Variants in ADAMTS19 observed in about 807,000 individuals in gnomAD.
ADAMTS19 encodes the protein A disintegrin and metalloproteinase with thrombospondin motifs 19.
Under a neutral mutation model 153.3 loss-of-function variants are expected in ADAMTS19, and 93 were observed. That is an observed-to-expected ratio of 0.61 (90% CI 0.51 to 0.72). ADAMTS19 has a LOEUF of 0.72. Among genes scored for constraint, ADAMTS19 ranks in the 30% least tolerant of loss-of-function variants. The pLI is 0.00. For missense variants in ADAMTS19, 1,482 were observed against 1,552.1 expected, an observed-to-expected ratio of 0.95 and a Z score of 0.76; for synonymous variants, 600 against 556.6, an observed-to-expected ratio of 1.08 and a Z score of -1.10.
chr5:129,675,441 A>T (rs1469429426), intron 16 of ADAMTS19, among the ~76,000 whole-genome samples: 1 of 151,832 alleles, frequency 6.6e-6, no homozygotes, highest in East Asian at 1.9e-4. Context: ...TTTTTAGCCT[A>T]TTTTCTTTTT....
chr5:129,632,813 A>G (rs1443443924), intron 10 of ADAMTS19, among the ~76,000 whole-genome samples: 3 of 152,028 alleles, frequency 2.0e-5, no homozygotes, highest in South Asian at 4.1e-4. Context: ...TTTATGTGCA[A>G]GATAGTCTCT....
chr5:129,674,425 C>T (rs974194800), intron 16 of ADAMTS19, among the ~76,000 whole-genome samples: 6 of 152,008 alleles, frequency 3.9e-5, no homozygotes, highest in African/African-American at 1.5e-4. Flanking sequence ...TAATTTTGGC[C>T]ATACTGAATT....
chr5:129,548,968 T>C (rs1581071183), intron 6 of ADAMTS19, among the ~76,000 whole-genome samples: 1 of 133,804 alleles, frequency 7.5e-6, no homozygotes, highest in Non-Finnish European at 1.5e-5. Context: ...TAGATGGGAA[T>C]TGAACAATGA....
chr5:129,562,326 C>T (rs1753553369), intron 7 of ADAMTS19, among the ~76,000 whole-genome samples: 1 of 152,152 alleles, frequency 6.6e-6, no homozygotes, highest in Non-Finnish European at 1.5e-5. Context: ...GTTACTGCTA[C>T]ATCTGGAAAT....
Position 129,461,014 on chromosome 5 carries a change from T to G in ADAMTS19, c.92-88T>G. The G allele has an allele frequency of 7.9e-7, 1 of 1,264,042 alleles. No homozygotes were observed. The highest frequency in any genetic ancestry group is 9.9e-7 in the Non-Finnish European group (1 of 1,006,284). The allele number at this position is 1,264,042 out of a possible 1,614,324, so 78.3% of individuals were successfully genotyped here. On this transcript the variant is annotated intron_variant, in intron 1 of 22. Coordinates refer to ENST00000274487, the MANE Select transcript of ADAMTS19 (RefSeq NM_133638.6). The surrounding 1 kb of genome is among the most constrained non-coding windows in gnomAD (Gnocchi z 4.6). ...TCCATTGCATTCAACGCGAGCGCCC[T>G]GTATCTATGGACTGTGAGCTTGGAA...
intron 7 of ADAMTS19, among the ~76,000 whole-genome samples, chr5:129,560,100 C>T (rs1472608868): frequency 6.6e-6 from 1 of 151,962 alleles, no homozygotes; most frequent in African/African-American, 2.4e-5. Context: ...GTATAAAATC[C>T]CAGGATTCTG....
intron 7 of ADAMTS19, among the ~76,000 whole-genome samples, chr5:129,568,595 G>A (rs923273728): frequency 3.3e-5 from 5 of 152,086 alleles, no homozygotes; most frequent in Non-Finnish European, 7.4e-5. Context: ...TGAGGCTGGT[G>A]GATCACTTGA....
chr5:129,718,750 G>A (rs558010931), intron 21 of ADAMTS19, among the ~76,000 whole-genome samples: 9 of 152,194 alleles, frequency 5.9e-5, no homozygotes, highest in African/African-American at 2.2e-4. Context: ...AATTACCCAA[G>A]TCTATGCTGT....
intron 7 of ADAMTS19, among the ~76,000 whole-genome samples, chr5:129,558,865 A>G (rs1193391294): frequency 6.6e-6 from 1 of 152,094 alleles, no homozygotes; most frequent in Non-Finnish European, 1.5e-5. Context: ...CACATGAAAA[A>G]AATTTGAGAT....
chr5:129,526,372 G>A lies in ADAMTS19; in HGVS notation c.1002G>A (p.Glu334=). The A allele has an allele frequency of 6.2e-7, 1 of 1,605,062 alleles. No homozygotes were observed. The highest frequency in any genetic ancestry group is 8.5e-7 in the Non-Finnish European group (1 of 1,176,190). ...SYKLPQEYNI[E]TVVVADPAMV... is the part of the protein sequence containing the mutation. ...AATTACCTCAAGAATACAACATAGA[G>A]ACTGTAGTGGTTGCAGACCCAGCAA... The change falls in exon 4 of 23, where the codon GAG becomes GAA. Residue 334 remains glutamate, a synonymous_variant. Coordinates refer to ENST00000274487, the MANE Select transcript of ADAMTS19 (RefSeq NM_133638.6).
At chr5:129,680,234 G>A (rs1754738987) in intron 17 of ADAMTS19, among the ~76,000 whole-genome samples, 1 of 152,084 alleles carries the variant, frequency 6.6e-6, no homozygotes, top group African/African-American at 2.4e-5. Flanking sequence ...TGTCTATGAA[G>A]AGAGTACTAT....
At chr5:129,536,942 G>C (rs1173422497) in intron 6 of ADAMTS19, among the ~76,000 whole-genome samples, 1 of 151,758 alleles carries the variant, frequency 6.6e-6, no homozygotes, top group East Asian at 1.9e-4. Context: ...ATAGCATTAG[G>C]AGATATACCT....
intron 13 of ADAMTS19, among the ~76,000 whole-genome samples, chr5:129,653,967 CA>C (rs972333892): frequency 1.3e-5 from 2 of 151,442 alleles, no homozygotes; most frequent in Non-Finnish European, 1.5e-5. Flanking sequence ...GATATCATTT[CA>C]AAAAAAATAT....
chr5:129,681,997 C>T (rs1754838417), intron 17 of ADAMTS19, among the ~76,000 whole-genome samples: 1 of 151,982 alleles, frequency 6.6e-6, no homozygotes, highest in African/African-American at 2.4e-5. Flanking sequence ...ATAAATGTAA[C>T]CTCCCCTGTT....
In ADAMTS19 at chr5:129,611,972, TTTTA is replaced by T. The variant is rs571528682; in HGVS notation, c.1479-8642_1479-8639del. ...TTAATTTTTGATCTTTTTTAATCTA[TTTTA>T]TTTTATTATTATTATATTTTAAGTT... On this transcript the variant is annotated intron_variant, in intron 8 of 22. Coordinates refer to ENST00000274487, the MANE Select transcript of ADAMTS19 (RefSeq NM_133638.6). 1.0e-3 allele frequency among the ~76,000 whole-genome samples: 158 copies of T among 152,046 alleles called. 3 individuals are homozygous for T. Among genetic ancestry groups the T allele is most frequent in the Admixed American group, 9.6e-3 (146 of 15,232 alleles).
chr5:129,686,307 A>C (rs1308225834), intron 18 of ADAMTS19, among the ~76,000 whole-genome samples: 1 of 152,070 alleles, frequency 6.6e-6, no homozygotes, highest in Non-Finnish European at 1.5e-5. Context: ...GTGCAATAGG[A>C]GGAATATAAA....
intron 8 of ADAMTS19, among the ~76,000 whole-genome samples, chr5:129,599,408 T>C (rs1750535557): frequency 6.6e-6 from 1 of 152,184 alleles, no homozygotes; most frequent in South Asian, 2.1e-4. Flanking sequence ...ATTTTTGCTC[T>C]TGAGCTATGC....
At chr5:129,692,458 T>C (rs1755378508) in intron 18 of ADAMTS19, among the ~76,000 whole-genome samples, 1 of 152,198 alleles carries the variant, frequency 6.6e-6, no homozygotes. Flanking sequence ...TTATCCTTCT[T>C]GACCTACCAA....
chr5:129,474,030 A>G (rs1750146404), intron 2 of ADAMTS19, among the ~76,000 whole-genome samples: 1 of 152,150 alleles, frequency 6.6e-6, no homozygotes, highest in African/African-American at 2.4e-5. Flanking sequence ...CAGTTCCATC[A>G]ACTAGAAGGG....
Sources: gnomAD v4.1 joint callset for allele counts (sites outside exome capture counted in the v4.1 genomes callset) on GRCh38, gnomAD v4.1.1 for gene constraint, Gnocchi (gnomAD v3.1) non-coding constraint, MANE v1.5 for transcripts, NCBI Gene and HGNC (gene_info 2026-07-23, HGNC 2026-07-21) for gene names.